Variants in OPHN1 observed in about 807,000 individuals in gnomAD.
The protein encoded by OPHN1 is oligophrenin-1.
A neutral mutation model predicts 60.7 loss-of-function variants in OPHN1; 11 were observed. The ratio of observed to expected loss-of-function variants is 0.18; its 90% CI spans 0.11 to 0.30. OPHN1 has a LOEUF of 0.30. Ranked by LOEUF, OPHN1 falls within the 10% of genes least tolerant of loss-of-function variation. The pLI, the probability that OPHN1 is intolerant of heterozygous loss-of-function variation, is 1.00. For missense variants in OPHN1, 449 were observed against 611.0 expected, an observed-to-expected ratio of 0.73 and a Z score of 2.80; for synonymous variants, 226 against 222.6, an observed-to-expected ratio of 1.02 and a Z score of -0.14.
chrX:68,205,979 A>T (rs112883764), intron 10 of OPHN1, among the ~76,000 whole-genome samples: 2,250 of 91,135 alleles, frequency 0.025, 70 homozygotes, highest in African/African-American at 0.094. Flanking sequence ...AGTGTGTGTG[A>T]GTGTGTGTGT....
intron 19 of OPHN1, among the ~76,000 whole-genome samples, chrX:68,087,484 C>A (rs2076999950): frequency 9.0e-6 from 1 of 111,273 alleles, no homozygotes; most frequent in Non-Finnish European, 1.9e-5. Context: ...CACATATTAA[C>A]CCCCTTACGG....
intron 2 of OPHN1, among the ~76,000 whole-genome samples, chrX:68,319,509 G>C (rs2147658817): frequency 9.0e-6 from 1 of 111,151 alleles, no homozygotes; most frequent in Non-Finnish European, 1.9e-5. Context: ...GCCGAGGCAG[G>C]TGGATCACTT....
intron 2 of OPHN1, among the ~76,000 whole-genome samples, chrX:68,416,067 T>TATATAGAGAGAG (rs2078796884): frequency 1.2e-4 from 1 of 8,350 alleles, no homozygotes; most frequent in African/African-American, 2.3e-4. Context: ...TATATATATA[T>TATATAGAGAGAG]AGAGAGAGAG....
chrX:68,083,881 T>TA (rs1259504100), intron 19 of OPHN1, among the ~76,000 whole-genome samples: 2 of 111,593 alleles, frequency 1.8e-5, no homozygotes, highest in Non-Finnish European at 3.8e-5. Flanking sequence ...AGTCAGAACA[T>TA]ACAACATTTA....
intron 5 of OPHN1, among the ~76,000 whole-genome samples, chrX:68,269,964 T>G (rs1292465545): frequency 8.9e-5 from 10 of 112,143 alleles, no homozygotes; most frequent in African/African-American, 3.2e-4. Context: ...AAGACATTTA[T>G]GCAGTCAACA....
intron 2 of OPHN1, among the ~76,000 whole-genome samples, chrX:68,339,141 TAAATA>T (rs1334910520): frequency 1.9e-5 from 2 of 105,668 alleles, no homozygotes; most frequent in East Asian, 2.9e-4. Context: ...ATATACCACA[TAAATA>T]GAATATAAGA....
intron 15 of OPHN1, among the ~76,000 whole-genome samples, chrX:68,148,241 T>C (rs1041733822): frequency 1.8e-5 from 2 of 111,549 alleles, no homozygotes; most frequent in African/African-American, 6.5e-5. Context: ...GATAATATGA[T>C]AACACCATAA....
intron 2 of OPHN1, among the ~76,000 whole-genome samples, chrX:68,419,232 TTGAACTCC>T (rs1025128456): frequency 2.7e-5 from 3 of 109,629 alleles, no homozygotes; most frequent in African/African-American, 1.0e-4. Flanking sequence ...CAGGCTGGTC[TTGAACTCC>T]TGACCTCAAG....
intron 2 of OPHN1, among the ~76,000 whole-genome samples, chrX:68,395,841 C>T: frequency 9.0e-6 from 1 of 111,259 alleles, no homozygotes; most frequent in Non-Finnish European, 1.9e-5. Flanking sequence ...TTACCTCGGC[C>T]ACCCAAAGTG....
At chrX:68,059,705 G>A (rs1268658857) in intron 21 of OPHN1, among the ~76,000 whole-genome samples, 7 of 111,586 alleles carry the variant, frequency 6.3e-5, no homozygotes, top group Admixed American at 4.8e-4. Context: ...CTGTGACTGA[G>A]CAAGGCCTTA....
At chrX:68,185,451 T>C (rs1448072987) in intron 15 of OPHN1, among the ~76,000 whole-genome samples, 1 of 111,933 alleles carries the variant, frequency 8.9e-6, no homozygotes, top group Admixed American at 9.5e-5. Flanking sequence ...TGTCAGAGCA[T>C]GTACTACCCA....
chrX:68,138,791 G>C (rs2077231083), intron 15 of OPHN1, among the ~76,000 whole-genome samples: 2 of 112,086 alleles, frequency 1.8e-5, no homozygotes, highest in African/African-American at 3.2e-5. Flanking sequence ...CAGTGAGTTT[G>C]ATAGGACTTG....
At chrX:68,428,160 G>A (rs1602415451) in intron 2 of OPHN1, among the ~76,000 whole-genome samples, 1 of 111,890 alleles carries the variant, frequency 8.9e-6, no homozygotes. Context: ...GGCCTTTAGA[G>A]TCAGGTCTAG....
chrX:68,063,933 C>T lies in OPHN1; in HGVS notation c.2079G>A (p.Met693Ile), dbSNP rs36095561. The T allele has an allele frequency of 7.1e-4, 846 of 1,199,775 alleles. 4 individuals are homozygous for T. The African/African-American group carries it at 0.013, about 18-fold the overall frequency. Residue 693 changes from methionine (M) to isoleucine (I), a missense_variant, in exon 21 of 25, where the codon ATG (methionine) becomes ATA (isoleucine). Met to Ile is a conservative substitution (Grantham distance 10). Coordinates refer to ENST00000355520, the MANE Select transcript of OPHN1 (RefSeq NM_002547.3). ...GGGTCTTGGTGGGCCCAGAGCCTGG[C>T]ATGGGTCCATTGGTGGCCTTTGGGG... The part of the protein sequence containing the change: ...KITPKATNGP[M>I]PGSGPTKTPS...
intron 2 of OPHN1, among the ~76,000 whole-genome samples, chrX:68,379,333 A>C (rs1018011366): frequency 8.9e-6 from 1 of 111,757 alleles, no homozygotes; most frequent in Non-Finnish European, 1.9e-5. Flanking sequence ...TTTTGGGCTA[A>C]GACAGTGCAG....
chrX:68,054,938 T>C (rs1159354369), intron 21 of OPHN1, among the ~76,000 whole-genome samples: 5 of 112,149 alleles, frequency 4.5e-5, no homozygotes, highest in Admixed American at 3.8e-4. Flanking sequence ...AATCTACATA[T>C]ACAACTATAA....
Position 68,063,855 on chromosome X carries a change from C to G in OPHN1, c.2157G>C (p.Glu719Asp). ...CCCATGGGATTCCCAAGCACTTACC[C>G]TCCTTGTGGTGGGCCAGGGGCCGGG... ...PAPRPLAHHK[E>D]GDADSFSKVR... Residue 719 changes from glutamate (E) to aspartate (D), a missense_variant and splice_region_variant, in exon 21 of 25, where the codon GAG becomes GAC. By Grantham distance (45) the Glu-to-Asp change is conservative. Transcript: ENST00000355520. 1 of 1,160,704 alleles carries G rather than the reference C, an allele frequency of 8.6e-7. No homozygotes were observed. Among genetic ancestry groups the G allele is most frequent in the Non-Finnish European group, 1.2e-6 (1 of 867,945 alleles).
chrX:68,068,941 T>A (rs150030615), intron 20 of OPHN1, among the ~76,000 whole-genome samples: 1 of 112,025 alleles, frequency 8.9e-6, no homozygotes, highest in Non-Finnish European at 1.9e-5. Flanking sequence ...GAAGTAAATT[T>A]AAAAGTATTG....
chrX:68,296,811 T>A (rs752312070), intron 3 of OPHN1, among the ~76,000 whole-genome samples: 171 of 110,368 alleles, frequency 1.5e-3, no homozygotes, highest in African/African-American at 4.9e-3. Context: ...TTTCTTTTTT[T>A]AAAAAAGCAG....
Sources: allele counts gnomAD v4.1 joint callset (sites outside exome capture counted in the v4.1 genomes callset), GRCh38; gene constraint gnomAD v4.1.1; transcripts MANE v1.5; gene names NCBI Gene and HGNC (gene_info 2026-07-23, HGNC 2026-07-21).